DKK2: variants seen among roughly 807,000 people sequenced by gnomAD.
The protein encoded by DKK2 is dickkopf-related protein 2.
A neutral mutation model predicts 28.1 loss-of-function variants in DKK2; 11 were observed. That is an observed-to-expected ratio of 0.39 (90% CI 0.25 to 0.65). DKK2 has a LOEUF of 0.65. Ranked by LOEUF, DKK2 falls within the 30% of genes least tolerant of loss-of-function variation. DKK2 has a pLI of 0.47. For missense variants in DKK2, 326 were observed against 335.5 expected, an observed-to-expected ratio of 0.97 and a Z score of 0.22; for synonymous variants, 135 against 126.5, an observed-to-expected ratio of 1.07 and a Z score of -0.45.
chr4:106,974,994 G>A (rs115218938), intron 1 of DKK2, among the ~76,000 whole-genome samples: 1 of 152,126 alleles, frequency 6.6e-6, no homozygotes. Flanking sequence ...CATTTATTGA[G>A]ATAATCATGT....
At chr4:107,008,921 A>G (rs1045999713) in intron 1 of DKK2, among the ~76,000 whole-genome samples, 1 of 152,164 alleles carries the variant, frequency 6.6e-6, no homozygotes, top group South Asian at 2.1e-4. Flanking sequence ...AAACGTAATC[A>G]AAACTAGATT....
intron 1 of DKK2, among the ~76,000 whole-genome samples, chr4:107,006,147 A>G (rs1393411688): frequency 6.6e-6 from 1 of 152,250 alleles, no homozygotes; most frequent in African/African-American, 2.4e-5. Context: ...AATGTAGCAA[A>G]TGAGCTAGAA....
At chr4:107,024,246 T>C (rs1445202446) in intron 1 of DKK2, among the ~76,000 whole-genome samples, 1 of 152,098 alleles carries the variant, frequency 6.6e-6, no homozygotes. Context: ...TTTGAAAATA[T>C]GTAAATAGTA....
chr4:106,958,848 A>G (rs1182821999), intron 1 of DKK2, among the ~76,000 whole-genome samples: 1 of 151,116 alleles, frequency 6.6e-6, no homozygotes, highest in African/African-American at 2.4e-5. Flanking sequence ...AAAAAAAAAA[A>G]AAAAAAAGAA....
At chr4:107,008,590 T>C (rs2110367966) in intron 1 of DKK2, among the ~76,000 whole-genome samples, 1 of 152,118 alleles carries the variant, frequency 6.6e-6, no homozygotes, top group African/African-American at 2.4e-5. Flanking sequence ...GTAACTTATA[T>C]TAAGGCAGTT....
chr4:107,013,337 A>C (rs146485060), intron 1 of DKK2, among the ~76,000 whole-genome samples: 157 of 151,736 alleles, frequency 1.0e-3, no homozygotes, highest in African/African-American at 3.4e-3. Flanking sequence ...CTGGCATAAA[A>C]ACAGACACAT....
chr4:107,015,673 T>A (rs1255729791), intron 1 of DKK2, among the ~76,000 whole-genome samples: 1 of 151,808 alleles, frequency 6.6e-6, no homozygotes, highest in African/African-American at 2.4e-5. Context: ...CATGACTTTT[T>A]AAATAGTTCC....
At chr4:106,968,568 C>T (rs1722817475) in intron 1 of DKK2, among the ~76,000 whole-genome samples, 1 of 151,862 alleles carries the variant, frequency 6.6e-6, no homozygotes, top group Non-Finnish European at 1.5e-5. Context: ...AATAATGAGA[C>T]CATGCTTTAT....
In DKK2 at chr4:106,929,681, A is replaced by G. The variant is rs1005620037; in HGVS notation, c.223-3732T>C. ...TTATTACAACCATGACATGAACTAA[A>G]AGAAGAAAAACACATTGGACACATT... On this transcript the variant is annotated intron_variant, in intron 1 of 3. Transcript: ENST00000285311. Among the ~76,000 whole-genome samples, 7 of 152,210 alleles carry G rather than the reference A, an allele frequency of 4.6e-5. No homozygotes were observed. The East Asian group carries it at 9.6e-4, about 21-fold the overall frequency.
intron 1 of DKK2, among the ~76,000 whole-genome samples, chr4:106,992,724 C>T (rs976190282): frequency 2.6e-5 from 4 of 152,126 alleles, no homozygotes; most frequent in Admixed American, 6.6e-5. Flanking sequence ...GCAACCCTCT[C>T]GGGTAAATTC....
chr4:106,935,733 A>G (rs929980608), intron 1 of DKK2, among the ~76,000 whole-genome samples: 1 of 152,196 alleles, frequency 6.6e-6, no homozygotes, highest in Non-Finnish European at 1.5e-5. Flanking sequence ...AGCTTTGAAG[A>G]GAGCAGTGGT....
At chr4:106,932,864 A>G (rs751116651) in intron 1 of DKK2, among the ~76,000 whole-genome samples, 4 of 152,140 alleles carry the variant, frequency 2.6e-5, no homozygotes, top group Non-Finnish European at 4.4e-5. Flanking sequence ...TACTTCAGAG[A>G]AGTAACATGG....
Position 106,923,362 on chromosome 4 carries a change from T to C in DKK2, c.*592A>G, listed in dbSNP as rs1724377242. The stretch of plus-strand genomic sequence containing the variant: ...ACAACTGGCCATTATTTTGCAATTA[T>C]TTGGAAATATTGACTGATTTTTTTC... On this transcript the variant is annotated 3_prime_UTR_variant, in exon 4 of 4. Transcript: ENST00000285311. The C allele has an allele frequency of 6.6e-6, 1 of 152,274 alleles. No individual in the cohort carries two copies. The highest frequency in any genetic ancestry group is 2.4e-5 in the African/African-American group (1 of 41,462). The allele number at this position is 152,274 out of a possible 1,614,324, so 9.4% of individuals were successfully genotyped here. A position where few individuals can be genotyped will look rare whatever the true frequency, so the allele number is the denominator to read the frequency against.
intron 1 of DKK2, among the ~76,000 whole-genome samples, chr4:106,989,954 C>T (rs757291911): frequency 9.2e-5 from 14 of 152,034 alleles, no homozygotes; most frequent in Non-Finnish European, 1.5e-5. Flanking sequence ...TTTAACCCAA[C>T]ATAGCAAAAA....
At chr4:106,926,085 G>A in intron 1 of DKK2, 136 bp from the exon 2 acceptor site, 1 of 937,688 alleles carries the variant, frequency 1.1e-6, no homozygotes, top group Non-Finnish European at 1.5e-6. Flanking sequence ...TCATCATAAT[G>A]TTCTGAACCT....
intron 1 of DKK2, among the ~76,000 whole-genome samples, chr4:106,942,250 C>T (rs1471192287): frequency 4.6e-5 from 7 of 152,042 alleles, no homozygotes; most frequent in African/African-American, 1.2e-4. Flanking sequence ...AGATGTTGGT[C>T]CCCCACACCA....
intron 1 of DKK2, 149 bp downstream of exon 1, chr4:107,035,221 A>T: frequency 1.1e-6 from 1 of 901,976 alleles, no homozygotes; most frequent in Non-Finnish European, 1.7e-6. Flanking sequence ...GCCCACGCAG[A>T]CCCTGTTCGG....
chr4:106,963,871 C>T (rs1431318850), intron 1 of DKK2, among the ~76,000 whole-genome samples: 1 of 152,162 alleles, frequency 6.6e-6, no homozygotes, highest in Non-Finnish European at 1.5e-5. Flanking sequence ...TTTCTTCTAA[C>T]TCTATTTTTC....
chr4:106,979,580 G>T (rs1442406520), intron 1 of DKK2, among the ~76,000 whole-genome samples: 1 of 151,930 alleles, frequency 6.6e-6, no homozygotes, highest in East Asian at 1.9e-4. Flanking sequence ...GTATCCTCCT[G>T]TGTACCATAA....
Sources: allele counts gnomAD v4.1 joint callset (sites outside exome capture counted in the v4.1 genomes callset), GRCh38; gene constraint gnomAD v4.1.1; transcripts MANE v1.5; gene names NCBI Gene and HGNC (gene_info 2026-07-23, HGNC 2026-07-21).